ADAMTS6: variants seen among roughly 807,000 people sequenced by gnomAD.
The protein encoded by ADAMTS6 is A disintegrin and metalloproteinase with thrombospondin motifs 6.
In ADAMTS6, 23 loss-of-function variants were observed where a neutral mutation model predicts 144.3. That is an observed-to-expected ratio of 0.16 (90% CI 0.11 to 0.23). ADAMTS6 has a LOEUF of 0.23. Among genes scored for constraint, ADAMTS6 ranks in the 10% least tolerant of loss-of-function variants. ADAMTS6 has a pLI of 1.00. For missense variants in ADAMTS6, 999 were observed against 1,379.6 expected (o/e 0.72, Z 4.37); for synonymous variants, 444 against 457.5 (o/e 0.97, Z 0.38).
At chr5:65,202,302 T>C (rs1285103130) in intron 20 of ADAMTS6, among the ~76,000 whole-genome samples, 3 of 152,244 alleles carry the variant, frequency 2.0e-5, no homozygotes, top group Non-Finnish European at 4.4e-5. Flanking sequence ...TATTGTATTT[T>C]TCTAGAACAA....
intron 20 of ADAMTS6, among the ~76,000 whole-genome samples, chr5:65,199,242 A>G (rs1007766043): frequency 3.3e-5 from 5 of 152,198 alleles, no homozygotes; most frequent in Admixed American, 2.0e-4. Flanking sequence ...ACTACAAAAT[A>G]CAACTGATCT....
chr5:65,277,997 T>A (rs773976876), intron 11 of ADAMTS6, among the ~76,000 whole-genome samples: 28 of 125,416 alleles, frequency 2.2e-4, no homozygotes, highest in Non-Finnish European at 4.5e-4. Context: ...CCCTCCCCCT[T>A]GAGTCTCTAA....
At chr5:65,199,222 C>T (rs1755582229) in intron 20 of ADAMTS6, among the ~76,000 whole-genome samples, 1 of 152,106 alleles carries the variant, frequency 6.6e-6, no homozygotes, top group African/African-American at 2.4e-5. Context: ...AAGGAATAAA[C>T]ATTCTCAACA....
At chr5:65,225,498 T>C (rs1561299405) in intron 16 of ADAMTS6, among the ~76,000 whole-genome samples, 1 of 152,250 alleles carries the variant, frequency 6.6e-6, no homozygotes, top group Non-Finnish European at 1.5e-5. Flanking sequence ...TTTGTGGCTT[T>C]TCTTATTATG....
intron 9 of ADAMTS6, among the ~76,000 whole-genome samples, chr5:65,320,293 T>C (rs1745482131): frequency 6.6e-6 from 1 of 152,158 alleles, no homozygotes; most frequent in Admixed American, 6.5e-5. Context: ...TAACAGCGTA[T>C]CACAAATGTT....
At chr5:65,203,069 A>G (rs960522602) in intron 20 of ADAMTS6, among the ~76,000 whole-genome samples, 4 of 152,118 alleles carry the variant, frequency 2.6e-5, no homozygotes, top group African/African-American at 9.7e-5. Context: ...GAAAACAGGC[A>G]TGTTTCTTTT....
intron 11 of ADAMTS6, among the ~76,000 whole-genome samples, chr5:65,289,456 G>C (rs1362728486): frequency 6.6e-6 from 1 of 152,156 alleles, no homozygotes. Flanking sequence ...AACCTAGGAG[G>C]TGGAGGTTGT....
intron 1 of ADAMTS6, among the ~76,000 whole-genome samples, chr5:65,477,071 A>T (rs1760891448): frequency 6.6e-6 from 1 of 152,226 alleles, no homozygotes. Context: ...AAGTTATACC[A>T]TTATTCAATA....
At chr5:65,275,774 T>G (rs900378077) in intron 11 of ADAMTS6, among the ~76,000 whole-genome samples, 7 of 152,106 alleles carry the variant, frequency 4.6e-5, no homozygotes, top group Non-Finnish European at 1.0e-4. Flanking sequence ...TAAAAAGCAG[T>G]AAGAGTAACA....
intron 7 of ADAMTS6, among the ~76,000 whole-genome samples, chr5:65,360,498 A>G (rs979223130): frequency 6.6e-6 from 1 of 152,150 alleles, no homozygotes; most frequent in African/African-American, 2.4e-5. Context: ...AATACATTGC[A>G]TTCTACACAG....
chr5:65,163,835 T>C (rs183454733), intron 24 of ADAMTS6, among the ~76,000 whole-genome samples: 3 of 152,270 alleles, frequency 2.0e-5, no homozygotes, highest in Admixed American at 1.3e-4. Context: ...CTTCACATTC[T>C]TGATAATTTC....
intron 1 of ADAMTS6, among the ~76,000 whole-genome samples, chr5:65,477,029 TC>T (rs1760888516): frequency 6.6e-6 from 1 of 152,230 alleles, no homozygotes; most frequent in Non-Finnish European, 1.5e-5. Context: ...ATAGCAGGCA[TC>T]CTTTCTCAGG....
At chr5:65,248,628 C>G (rs921283565) in intron 14 of ADAMTS6, among the ~76,000 whole-genome samples, 3 of 130,328 alleles carry the variant, frequency 2.3e-5, no homozygotes, top group African/African-American at 1.0e-4. Flanking sequence ...TGGCAAAACC[C>G]TACAAAAAAT....
intron 7 of ADAMTS6, among the ~76,000 whole-genome samples, chr5:65,427,955 A>G (rs1194164803): frequency 1.3e-5 from 2 of 152,092 alleles, no homozygotes; most frequent in African/African-American, 2.4e-5. Flanking sequence ...AAGGCCAGGC[A>G]CGGCTCACAC....
At chr5:65,370,951 A>G (rs1005222482) in intron 7 of ADAMTS6, among the ~76,000 whole-genome samples, 1 of 152,232 alleles carries the variant, frequency 6.6e-6, no homozygotes, top group Admixed American at 6.5e-5. Flanking sequence ...TGCCTCCTCA[A>G]GTTGGTCCCT....
At chr5:65,216,782 TACACACAC>T (rs10584577) in intron 18 of ADAMTS6, among the ~76,000 whole-genome samples, 2 of 148,524 alleles carry the variant, frequency 1.3e-5, no homozygotes. Context: ...TTACAAGAAA[TACACACAC>T]ACACACACAC....
chr5:65,239,128 G>C (rs1039177843), intron 15 of ADAMTS6, among the ~76,000 whole-genome samples: 2 of 152,084 alleles, frequency 1.3e-5, no homozygotes, highest in Admixed American at 6.6e-5. Flanking sequence ...GGGGTAGGGG[G>C]AGGGGGGAGA....
intron 7 of ADAMTS6, among the ~76,000 whole-genome samples, chr5:65,443,814 G>T (rs1758058879): frequency 6.7e-6 from 1 of 150,016 alleles, no homozygotes; most frequent in Non-Finnish European, 1.5e-5. Flanking sequence ...TGAACACAAG[G>T]AAATTTTCTC....
At chr5:65,402,732 T>A (rs1754038835) in intron 7 of ADAMTS6, among the ~76,000 whole-genome samples, 1 of 151,852 alleles carries the variant, frequency 6.6e-6, no homozygotes, top group African/African-American at 2.4e-5. Flanking sequence ...TCCCTTTAAG[T>A]CTTCTTAAGG....
Sources: allele counts gnomAD v4.1 joint callset (sites outside exome capture counted in the v4.1 genomes callset), GRCh38; gene constraint gnomAD v4.1.1; transcripts MANE v1.5; gene names NCBI Gene and HGNC (gene_info 2026-07-23, HGNC 2026-07-21).